NRG3: variants seen among roughly 807,000 people sequenced by gnomAD.
The protein encoded by NRG3 is neuregulin 3.
NRG3 carries 31 observed loss-of-function variants against 66.9 expected under a neutral mutation model. That is an observed-to-expected ratio of 0.46 (90% confidence interval 0.35 to 0.63). The LOEUF (loss-of-function observed/expected upper bound fraction) is 0.63, where lower values mean the gene tolerates loss of function less well. NRG3 is among the 20% of genes least tolerant of loss of function. NRG3 has a pLI of 0.00. For synonymous variants in NRG3, 393 were observed against 359.4 expected, an observed-to-expected ratio of 1.09 and a Z score of -1.06; for missense variants, 910 against 878.9, an observed-to-expected ratio of 1.04 and a Z score of -0.45.
intron 2 of NRG3, among the ~76,000 whole-genome samples, chr10:82,584,247 C>A (rs1198758936): frequency 1.3e-5 from 2 of 151,942 alleles, no homozygotes; most frequent in Non-Finnish European, 2.9e-5. Context: ...CTGCCACACC[C>A]CACCAATTTT....
At chr10:82,255,573 T>C (rs2077679714) in intron 1 of NRG3, among the ~76,000 whole-genome samples, 1 of 152,178 alleles carries the variant, frequency 6.6e-6, no homozygotes, top group South Asian at 2.1e-4. Context: ...TCAATTTTTC[T>C]GTAAATCTTT....
At chr10:81,889,949 A>T (rs1842892402) in intron 1 of NRG3, among the ~76,000 whole-genome samples, 1 of 152,176 alleles carries the variant, frequency 6.6e-6, no homozygotes, top group Non-Finnish European at 1.5e-5. Context: ...TACCACACTG[A>T]TGCTCATCTT....
At chr10:82,921,899 A>G (rs1474467240) in intron 4 of NRG3, among the ~76,000 whole-genome samples, 2 of 152,176 alleles carry the variant, frequency 1.3e-5, no homozygotes, top group Non-Finnish European at 2.9e-5. Flanking sequence ...CTATTAAGGA[A>G]TGATCAAATG....
intron 2 of NRG3, among the ~76,000 whole-genome samples, chr10:82,684,327 T>C (rs2054338979): frequency 6.6e-6 from 1 of 152,224 alleles, no homozygotes; most frequent in Non-Finnish European, 1.5e-5. Context: ...GCTTCCAAAC[T>C]AAGGCCATTT....
At chr10:82,781,835 TA>T (rs754852599) in intron 3 of NRG3, among the ~76,000 whole-genome samples, 12 of 151,946 alleles carry the variant, frequency 7.9e-5, no homozygotes, top group Non-Finnish European at 1.5e-4. Context: ...CGTAAGGAAG[TA>T]AAAATTCAGT....
chr10:82,493,609 G>GT (rs1843350036), intron 2 of NRG3, among the ~76,000 whole-genome samples: 1 of 152,076 alleles, frequency 6.6e-6, no homozygotes, highest in Non-Finnish European at 1.5e-5. Flanking sequence ...ATGTATCTTT[G>GT]TAACAGAGTA....
intron 1 of NRG3, among the ~76,000 whole-genome samples, chr10:82,309,131 C>T (rs1317816833): frequency 1.3e-5 from 2 of 152,184 alleles, no homozygotes; most frequent in African/African-American, 4.8e-5. Flanking sequence ...AATTCTCCAT[C>T]ATTAATTCCT....
At chr10:82,272,822 G>C (rs1194133022) in intron 1 of NRG3, among the ~76,000 whole-genome samples, 1 of 151,934 alleles carries the variant, frequency 6.6e-6, no homozygotes, top group Non-Finnish European at 1.5e-5. Flanking sequence ...AGATATTAAC[G>C]TAGAGATTTT....
At chr10:82,813,856 G>T (rs2061596902) in intron 3 of NRG3, among the ~76,000 whole-genome samples, 1 of 152,112 alleles carries the variant, frequency 6.6e-6, no homozygotes, top group South Asian at 2.1e-4. Context: ...GTAACTGAGG[G>T]CCCAAAGCTG....
chr10:82,474,028 G>A lies in NRG3; in HGVS notation c.953+115160G>A, dbSNP rs1841527867. On this transcript the variant is annotated intron_variant, in intron 2 of 8. Transcript: ENST00000372141. ...TGGGGGAAAAAATGATGCATTCACA[G>A]GACCAGGAATATACATGTTCAGAAC... Among the ~76,000 whole-genome samples the A allele has an allele frequency of 3.3e-5, 5 of 152,002 alleles. No homozygotes were observed. The South Asian group carries it at 1.0e-3, about 32-fold the overall frequency.
chr10:82,351,876 A>G (rs1399771528), intron 1 of NRG3, among the ~76,000 whole-genome samples: 1 of 152,210 alleles, frequency 6.6e-6, no homozygotes, highest in African/African-American at 2.4e-5. Flanking sequence ...TTCTCTGTCA[A>G]TGGCAAGCCC....
At chr10:82,468,193 G>A (rs1840869648) in intron 2 of NRG3, among the ~76,000 whole-genome samples, 1 of 152,296 alleles carries the variant, frequency 6.6e-6, no homozygotes, top group East Asian at 1.9e-4. Flanking sequence ...CAGGTCATGT[G>A]ATCCCAAAGC....
intron 2 of NRG3, among the ~76,000 whole-genome samples, chr10:82,695,870 G>A (rs2055340398): frequency 6.6e-6 from 1 of 151,914 alleles, no homozygotes; most frequent in Non-Finnish European, 1.5e-5. Flanking sequence ...ATGATATTTG[G>A]GGGGAATGGC....
intron 1 of NRG3, among the ~76,000 whole-genome samples, chr10:81,901,841 G>A (rs1844107068): frequency 6.6e-6 from 1 of 152,148 alleles, no homozygotes; most frequent in African/African-American, 2.4e-5. Context: ...AGGTTAGTCT[G>A]TACCCCAAAT....
intron 3 of NRG3, among the ~76,000 whole-genome samples, chr10:82,800,148 A>G (rs2060977318): frequency 6.6e-6 from 1 of 152,142 alleles, no homozygotes. Context: ...TTCTGTCTCT[A>G]TCGCCTTCTA....
intron 2 of NRG3, among the ~76,000 whole-genome samples, chr10:82,396,919 C>A (rs182204974): frequency 6.6e-6 from 1 of 152,218 alleles, no homozygotes; most frequent in Non-Finnish European, 1.5e-5. Context: ...TGCTATCAAC[C>A]CCTTAGAATC....
At chr10:82,530,275 C>A (rs762758146) in intron 2 of NRG3, among the ~76,000 whole-genome samples, 4 of 151,970 alleles carry the variant, frequency 2.6e-5, no homozygotes, top group Non-Finnish European at 5.9e-5. Context: ...AATGTAGTAA[C>A]AATAGCCTGT....
intron 2 of NRG3, among the ~76,000 whole-genome samples, chr10:82,506,889 G>C (rs1372318186): frequency 6.6e-6 from 1 of 152,180 alleles, no homozygotes; most frequent in Non-Finnish European, 1.5e-5. Flanking sequence ...GATTGTAGCT[G>C]TGATCACGTC....
In NRG3 at chr10:82,707,936, T is replaced by A. The variant is rs187485702; in HGVS notation, c.954-30641T>A. On this transcript the variant is annotated intron_variant, in intron 2 of 8. Transcript: ENST00000372141. Reference sequence around the variant, plus strand: ...ACTCAGGAGGCTGAGGCAAGAGAATTGCTTGAACCTAGGAGGCAGAGGTTA... The same window carrying A: ...ACTCAGGAGGCTGAGGCAAGAGAATAGCTTGAACCTAGGAGGCAGAGGTTA... 4.4e-3 allele frequency among the ~76,000 whole-genome samples: 666 copies of A among 150,242 alleles called. 4 individuals carry two copies. Among genetic ancestry groups the A allele is most frequent in the African/African-American group, 0.015 (603 of 41,036 alleles).
Sources: allele counts gnomAD v4.1 joint callset (sites outside exome capture counted in the v4.1 genomes callset), GRCh38; gene constraint gnomAD v4.1.1; transcripts MANE v1.5; gene names NCBI Gene and HGNC (gene_info 2026-07-23, HGNC 2026-07-21).